Variants in WNT3 observed in about 807,000 individuals in gnomAD.
WNT3 encodes the protein proto-oncogene Wnt-3.
A neutral mutation model predicts 34.2 loss-of-function variants in WNT3; 7 were observed. That is an observed-to-expected ratio of 0.20 (90% CI 0.12 to 0.38). WNT3 has a LOEUF of 0.38. WNT3 is among the 10% of genes least tolerant of loss of function. The probability of loss-of-function intolerance (pLI) is 1.00; values close to 1 mark genes in which losing one functional copy is unlikely to be tolerated. For missense variants in WNT3, 267 were observed against 499.8 expected (o/e 0.53, Z 4.44); for synonymous variants, 212 against 211.5 (o/e 1.00, Z -0.02).
intron 1 of WNT3, among the ~76,000 whole-genome samples, chr17:46,801,039 C>T (rs2084118537): frequency 6.6e-6 from 1 of 152,218 alleles, no homozygotes; most frequent in Admixed American, 6.5e-5. Context: ...TCACTGAGTA[C>T]ACACCTGACC....
rs200857783 is a variant in WNT3, at chr17:46,769,996, G to A, written c.375C>T (p.Phe125=). Residue 125 remains phenylalanine, a synonymous_variant, in exon 3 of 5, where the codon TTC becomes TTT. Transcript: ENST00000225512. ...CCTCGGCGCAGGAGCGGGTGACGGCGAAGGCCACGCCGGCCGAGGCGATGG... is the reference window on the plus strand; with the variant it reads ...CCTCGGCGCAGGAGCGGGTGACGGCAAAGGCCACGCCGGCCGAGGCGATGG... ...VHAIASAGVA[F]AVTRSCAEGT... The A allele has an allele frequency of 1.1e-5, 17 of 1,603,072 alleles. No individual in the cohort carries two copies. Among genetic ancestry groups the A allele is most frequent in the Non-Finnish European group, 1.3e-5 (15 of 1,175,170 alleles).
At chr17:46,775,218 C>T (rs989225960) in intron 1 of WNT3, among the ~76,000 whole-genome samples, 2 of 152,236 alleles carry the variant, frequency 1.3e-5, no homozygotes, top group South Asian at 4.1e-4. Context: ...ACATGAAGAA[C>T]ATCACTATCT....
chr17:46,801,482 T>C (rs2084124227), intron 1 of WNT3, among the ~76,000 whole-genome samples: 1 of 151,914 alleles, frequency 6.6e-6, no homozygotes, highest in Non-Finnish European at 1.5e-5. Context: ...TAGCCGAGCA[T>C]GGTGGCAGGC....
intron 1 of WNT3, among the ~76,000 whole-genome samples, chr17:46,777,067 A>T (rs1461380128): frequency 6.6e-6 from 1 of 152,174 alleles, no homozygotes; most frequent in Admixed American, 6.5e-5. Context: ...GAGGCCGACC[A>T]TGCCAGGTGG....
At position 46,764,330 on chromosome 17, in the gene WNT3, CAT is replaced by C. The variant is rs2059294928; in HGVS notation, c.*298_*299del. On this transcript the variant is annotated 3_prime_UTR_variant, in exon 5 of 5. Transcript: ENST00000225512. The stretch of plus-strand genomic sequence containing the variant: ...TTTTTTTCATTTTTATTTTCTTTAA[CAT>C]GTGCAAAGATAAGCCTCAGGTCTGT... 2.0e-5 allele frequency: 3 copies of C among 152,546 alleles called. No individual in the cohort carries two copies. Among genetic ancestry groups the C allele is most frequent in the Non-Finnish European group, 4.4e-5 (3 of 68,024 alleles). The allele number at this position is 152,546 out of a possible 1,614,324, so 9.4% of individuals were successfully genotyped here.
intron 1 of WNT3, among the ~76,000 whole-genome samples, chr17:46,809,042 C>T (rs1245924011): frequency 6.6e-6 from 1 of 152,038 alleles, no homozygotes. Context: ...CTTTTAAAGT[C>T]AGAGAGAGGA....
intron 4 of WNT3, among the ~76,000 whole-genome samples, chr17:46,767,950 G>A (rs1005062247): frequency 1.2e-4 from 19 of 152,054 alleles, no homozygotes; most frequent in African/African-American, 2.9e-4. Context: ...CACAACGCCC[G>A]GCTAATTTTT....
intron 1 of WNT3, among the ~76,000 whole-genome samples, chr17:46,809,502 C>A (rs543004937): frequency 8.5e-5 from 13 of 152,340 alleles, no homozygotes; most frequent in African/African-American, 3.1e-4. Context: ...TCAGTCCTCG[C>A]AGTTTTTCCA....
In WNT3 at chr17:46,802,557, C is replaced by G. The variant is rs528258751; in HGVS notation, c.80+15961G>C. On this transcript the variant is annotated intron_variant, in intron 1 of 4. Transcript: ENST00000225512. The stretch of plus-strand genomic sequence containing the variant: ...TGCTGGGATTACAGGTGTGAGCCAC[C>G]GTGCCCGGCCAAGATTAGAGGGTTG... Among the ~76,000 whole-genome samples the G allele has an allele frequency of 2.0e-5, 3 of 152,258 alleles. No individual in the cohort carries two copies. In the South Asian group the frequency reaches 6.2e-4, roughly 32 times the overall value.
At position 46,768,334 on chromosome 17, in the gene WNT3, G is replaced by T. The variant is rs766125270; in HGVS notation, c.1054C>A (p.His352Asn). The T allele has an allele frequency of 4.3e-6, 7 of 1,613,564 alleles. No individual in the cohort carries two copies. The Admixed American group carries it at 1.2e-4, about 27-fold the overall frequency. The change falls in exon 4 of 5, where the codon CAC (histidine) becomes AAC (asparagine). Residue 352 changes from histidine (H) to asparagine (N), a missense_variant. This residue lies in a region of WNT3 where 60 missense variants were observed against 82.7 expected (regional missense o/e 0.73). Transcript: ENST00000225512. This position sits in a 1 kb window ranked among gnomAD's most constrained non-coding sequence, Gnocchi z 5.0. ...TACCTGGTGCCCTACTTGCAGGTGT[G>T]CACGTCGTAGATGCGAATACACTCC... ...CQECIRIYDVHTCK is the reference protein window; with the variant it reads ...CQECIRIYDVNTCK
intron 1 of WNT3, among the ~76,000 whole-genome samples, chr17:46,778,942 C>G (rs772494560): frequency 1.3e-5 from 2 of 152,100 alleles, no homozygotes; most frequent in African/African-American, 2.4e-5. Context: ...CTTCTTATCC[C>G]AAAGTGCTGA....
chr17:46,773,623 T>TGCCCCCCCC, intron 2 of WNT3, 45 bp downstream of exon 2: 7 of 383,492 alleles, frequency 1.8e-5, no homozygotes, highest in Non-Finnish European at 3.6e-5. Flanking sequence ...TCCTGATCCC[T>TGCCCCCCCC]CCCCCCACCC....
rs1211075643 is a variant in WNT3, at chr17:46,768,820, C to T, written c.589-21G>A. ...ATAGTCTGGGGGAGAGAAGTGGCAG[C>T]TGGCCAACAGACCGACCCCACGAGG... is the stretch of plus-strand genomic sequence containing the variant. On this transcript the variant is annotated intron_variant, in intron 3 of 4. Transcript: ENST00000225512. This position sits in a 1 kb window ranked among gnomAD's most constrained non-coding sequence, Gnocchi z 5.0. 1 of 1,610,330 alleles carries T rather than the reference C, an allele frequency of 6.2e-7. No homozygotes were observed.
intron 1 of WNT3, among the ~76,000 whole-genome samples, chr17:46,780,874 A>C (rs765959124): frequency 5.3e-5 from 8 of 152,202 alleles, no homozygotes; most frequent in Non-Finnish European, 7.3e-5. Flanking sequence ...AGACAACCCA[A>C]GAGTCCTCAG....
At chr17:46,786,047 T>C (rs199500) in intron 1 of WNT3, among the ~76,000 whole-genome samples, 92,073 of 147,126 alleles carry the variant, frequency 0.63, 32,594 homozygotes, top group East Asian at 0.98. Flanking sequence ...GTGCTTTTTC[T>C]TTCTTTCTTA....
intron 1 of WNT3, among the ~76,000 whole-genome samples, chr17:46,783,830 A>G (rs1318136444): frequency 6.6e-6 from 1 of 152,230 alleles, no homozygotes; most frequent in Non-Finnish European, 1.5e-5. Flanking sequence ...ACAGAGAAGC[A>G]GAGGAGGGGA....
chr17:46,799,905 C>T (rs2084102366), intron 1 of WNT3, among the ~76,000 whole-genome samples: 1 of 152,190 alleles, frequency 6.6e-6, no homozygotes, highest in African/African-American at 2.4e-5. Context: ...ATTTGCACCA[C>T]AGGTGGTTCT....
At chr17:46,786,252 G>A (rs1002022066) in intron 1 of WNT3, among the ~76,000 whole-genome samples, 2 of 152,140 alleles carry the variant, frequency 1.3e-5, no homozygotes, top group African/African-American at 4.8e-5. Flanking sequence ...GAGGAGTCAA[G>A]GGTGGAAGAA....
chr17:46,778,830 T>C (rs79684870), intron 1 of WNT3, among the ~76,000 whole-genome samples: 149,236 of 152,180 alleles, frequency 0.98, 73,236 homozygotes, highest in East Asian at 1. Context: ...CACCATCCTT[T>C]GAAACCTGAT....
Sources: gnomAD v4.1 joint callset for allele counts (sites outside exome capture counted in the v4.1 genomes callset) on GRCh38, gnomAD v4.1.1 for gene constraint, gnomAD v4.1.1 regional missense constraint, Gnocchi (gnomAD v3.1) non-coding constraint, MANE v1.5 for transcripts, NCBI Gene and HGNC (gene_info 2026-07-23, HGNC 2026-07-21) for gene names.